Variants in PPM1L observed in about 807,000 individuals in gnomAD.
PPM1L encodes protein phosphatase 1L.
Under a neutral mutation model 31.4 loss-of-function variants are expected in PPM1L, and 13 were observed. That is an observed-to-expected ratio of 0.41 (90% CI 0.27 to 0.66). The LOEUF (loss-of-function observed/expected upper bound fraction) is 0.66, where lower values mean the gene tolerates loss of function less well. PPM1L is among the 30% of genes least tolerant of loss of function. The pLI, the probability that PPM1L is intolerant of heterozygous loss-of-function variation, is 0.29. For missense variants in PPM1L, 326 were observed against 453.7 expected (o/e 0.72, Z 2.56); for synonymous variants, 184 against 175.4 (o/e 1.05, Z -0.39).
chr3:160,934,718 C>T (rs1385796214), intron 1 of PPM1L, among the ~76,000 whole-genome samples: 5 of 151,988 alleles, frequency 3.3e-5, no homozygotes, highest in African/African-American at 7.3e-5. Context: ...TTTGGGAGGC[C>T]GAAGTGGGTG....
chr3:160,767,456 A>G (rs1173187346), intron 1 of PPM1L, among the ~76,000 whole-genome samples: 1 of 151,838 alleles, frequency 6.6e-6, no homozygotes, highest in Non-Finnish European at 1.5e-5. Flanking sequence ...GCTGATCTTG[A>G]ACTCCTGAGC....
At chr3:160,854,161 A>G (rs931799322) in intron 1 of PPM1L, among the ~76,000 whole-genome samples, 1 of 152,150 alleles carries the variant, frequency 6.6e-6, no homozygotes, top group African/African-American at 2.4e-5. Context: ...AGGTACTTTG[A>G]CCGCATCATG....
chr3:161,023,130 T>G (rs1718284204), intron 2 of PPM1L, among the ~76,000 whole-genome samples: 1 of 151,806 alleles, frequency 6.6e-6, no homozygotes, highest in South Asian at 2.1e-4. Context: ...TATGAGGGTT[T>G]TTTTTTTTTT....
chr3:160,860,264 T>A (rs1365959260), intron 1 of PPM1L, among the ~76,000 whole-genome samples: 1 of 152,196 alleles, frequency 6.6e-6, no homozygotes, highest in East Asian at 1.9e-4. Flanking sequence ...AACTTTGTTC[T>A]TTTCTTTTCA....
intron 1 of PPM1L, among the ~76,000 whole-genome samples, chr3:160,835,612 G>A (rs949398740): frequency 3.3e-5 from 5 of 151,700 alleles, no homozygotes; most frequent in African/African-American, 7.3e-5. Context: ...CTTACCAACC[G>A]ATCTCTTATC....
chr3:160,913,121 A>G (rs1714031646), intron 1 of PPM1L, among the ~76,000 whole-genome samples: 1 of 152,186 alleles, frequency 6.6e-6, no homozygotes, highest in African/African-American at 2.4e-5. Flanking sequence ...TCCTGGAGAC[A>G]TGATTAAAAG....
At chr3:160,920,949 A>T (rs1576715114) in intron 1 of PPM1L, among the ~76,000 whole-genome samples, 1 of 152,082 alleles carries the variant, frequency 6.6e-6, no homozygotes, top group East Asian at 1.9e-4. Flanking sequence ...CTATCTCACC[A>T]TTTTCTTACA....
At chr3:160,989,569 C>G (rs1023279672) in intron 2 of PPM1L, among the ~76,000 whole-genome samples, 1 of 152,062 alleles carries the variant, frequency 6.6e-6, no homozygotes, top group Non-Finnish European at 1.5e-5. Context: ...CCATGCCCGG[C>G]CAGGCTGGTT....
intron 2 of PPM1L, among the ~76,000 whole-genome samples, chr3:160,966,269 A>T (rs1716139702): frequency 6.6e-6 from 1 of 152,160 alleles, no homozygotes; most frequent in Non-Finnish European, 1.5e-5. Flanking sequence ...TATCTGACTT[A>T]AAATGTTATA....
chr3:160,841,240 A>T (rs1228301078), intron 1 of PPM1L, among the ~76,000 whole-genome samples: 3 of 152,060 alleles, frequency 2.0e-5, no homozygotes, highest in Non-Finnish European at 4.4e-5. Flanking sequence ...CCCAGGTTGA[A>T]TATGCAATGC....
intron 2 of PPM1L, among the ~76,000 whole-genome samples, chr3:161,003,958 A>G (rs948914360): frequency 5.4e-5 from 8 of 148,648 alleles, no homozygotes; most frequent in African/African-American, 1.8e-4. Context: ...CCCATTCAGT[A>G]TGATATTGGC....
At chr3:161,010,221 C>T (rs1576780818) in intron 2 of PPM1L, among the ~76,000 whole-genome samples, 1 of 152,014 alleles carries the variant, frequency 6.6e-6, no homozygotes, top group East Asian at 1.9e-4. Flanking sequence ...TCTCATTATT[C>T]AATTCCCACC....
intron 2 of PPM1L, among the ~76,000 whole-genome samples, chr3:161,015,448 G>A (rs1433261236): frequency 1.3e-5 from 2 of 152,186 alleles, no homozygotes; most frequent in Non-Finnish European, 2.9e-5. Context: ...TGCTGACTGA[G>A]TTGATCAGAA....
At chr3:160,785,856 G>C (rs893897853) in intron 1 of PPM1L, among the ~76,000 whole-genome samples, 1 of 128,680 alleles carries the variant, frequency 7.8e-6, no homozygotes, top group Non-Finnish European at 1.6e-5. Context: ...TTTTACATAT[G>C]TCTTTCCCAC....
At chr3:160,867,346 C>CTTTTTTTTTTA (rs1712129352) in intron 1 of PPM1L, among the ~76,000 whole-genome samples, 1 of 91,224 alleles carries the variant, frequency 1.1e-5, no homozygotes, top group Non-Finnish European at 2.4e-5. Flanking sequence ...TTTTTTTTTG[C>CTTTTTTTTTTA]ATTAGAGAAA....
intron 2 of PPM1L, among the ~76,000 whole-genome samples, chr3:161,018,133 A>G (rs186329997): frequency 2.2e-4 from 34 of 152,320 alleles, no homozygotes; most frequent in African/African-American, 6.7e-4. Flanking sequence ...CTGTGTATGC[A>G]TGTGTTAGCC....
chr3:161,051,755 G>A (rs1719286923), intron 2 of PPM1L, among the ~76,000 whole-genome samples: 1 of 152,272 alleles, frequency 6.6e-6, no homozygotes, highest in African/African-American at 2.4e-5. Flanking sequence ...GTCCCTCCAA[G>A]TGAGTTTATA....
chr3:160,931,722 A>G (rs1009962978), intron 1 of PPM1L, among the ~76,000 whole-genome samples: 4 of 152,224 alleles, frequency 2.6e-5, no homozygotes, highest in African/African-American at 7.2e-5. Context: ...ACCATTAGTC[A>G]GTATCTAAAT....
chr3:160,961,046 A>G (rs1358302821), intron 1 of PPM1L, among the ~76,000 whole-genome samples: 1 of 152,208 alleles, frequency 6.6e-6, no homozygotes, highest in Non-Finnish European at 1.5e-5. Flanking sequence ...GTGTAAAAAC[A>G]AAAAACAAAC....
Sources: allele counts gnomAD v4.1 joint callset (sites outside exome capture counted in the v4.1 genomes callset), GRCh38; gene constraint gnomAD v4.1.1; transcripts MANE v1.5; gene names NCBI Gene and HGNC (gene_info 2026-07-23, HGNC 2026-07-21).